CNTN5: variants seen among roughly 807,000 people sequenced by gnomAD.
CNTN5 encodes contactin-5.
A neutral mutation model predicts 129.1 loss-of-function variants in CNTN5; 77 were observed. The ratio of observed to expected loss-of-function variants is 0.60; its 90% confidence interval spans 0.50 to 0.72. CNTN5 has a LOEUF of 0.72. CNTN5 is among the 30% of genes least tolerant of loss of function. CNTN5 has a pLI of 0.00. For missense variants in CNTN5, 1,478 were observed against 1,328.8 expected (o/e 1.11, Z -1.75); for synonymous variants, 509 against 465.6 (o/e 1.09, Z -1.20).
At chr11:99,382,844 ACTTTTTTTTTTTTT>A (rs1360856696) in intron 2 of CNTN5, among the ~76,000 whole-genome samples, 6 of 69,402 alleles carry the variant, frequency 8.6e-5, no homozygotes, top group Admixed American at 4.5e-4. Context: ...TCTCTAAATA[ACTTTTTTTTTTTTT>A]TTTTTTTTTT....
chr11:99,241,268 A>G (rs1161552624), intron 1 of CNTN5, among the ~76,000 whole-genome samples: 1 of 151,188 alleles, frequency 6.6e-6, no homozygotes, highest in South Asian at 2.1e-4. Context: ...CAGAGTTGCT[A>G]ACAAATGACT....
At chr11:100,018,269 A>G (rs912890067) in intron 9 of CNTN5, among the ~76,000 whole-genome samples, 1 of 151,924 alleles carries the variant, frequency 6.6e-6, no homozygotes, top group Non-Finnish European at 1.5e-5. Flanking sequence ...GTACCTACCT[A>G]TTAACATTTC....
At chr11:99,478,422 A>C (rs554762488) in intron 2 of CNTN5, among the ~76,000 whole-genome samples, 1 of 152,182 alleles carries the variant, frequency 6.6e-6, no homozygotes, top group Non-Finnish European at 1.5e-5. Context: ...ATGGGTTAAA[A>C]TCTCTTTTAA....
intron 1 of CNTN5, among the ~76,000 whole-genome samples, chr11:99,085,037 C>A (rs1865947277): frequency 6.6e-6 from 1 of 151,130 alleles, no homozygotes; most frequent in South Asian, 2.1e-4. Context: ...GTTACATATT[C>A]ACTAGTAACC....
At chr11:99,961,187 A>G (rs910930425) in intron 8 of CNTN5, among the ~76,000 whole-genome samples, 2 of 122,812 alleles carry the variant, frequency 1.6e-5, no homozygotes, top group African/African-American at 6.5e-5. Flanking sequence ...CCTGGGCCAT[A>G]GAGTGAGACT....
chr11:99,134,452 A>G (rs1440056448), intron 1 of CNTN5, among the ~76,000 whole-genome samples: 3 of 152,226 alleles, frequency 2.0e-5, no homozygotes, highest in Non-Finnish European at 4.4e-5. Context: ...ATTTTGAGAT[A>G]TCATTTACAA....
chr11:99,058,548 A>G (rs1392918952), intron 1 of CNTN5, among the ~76,000 whole-genome samples: 1 of 152,042 alleles, frequency 6.6e-6, no homozygotes, highest in South Asian at 2.1e-4. Flanking sequence ...ATAGAAAGTT[A>G]CATGCCAGGA....
At chr11:99,713,183 C>A (rs2134972264) in intron 3 of CNTN5, among the ~76,000 whole-genome samples, 1 of 152,188 alleles carries the variant, frequency 6.6e-6, no homozygotes, top group East Asian at 1.9e-4. Flanking sequence ...TGTAGTTCTC[C>A]TTGAAGAGGT....
At chr11:99,343,060 C>A (rs1866594981) in intron 2 of CNTN5, among the ~76,000 whole-genome samples, 1 of 152,258 alleles carries the variant, frequency 6.6e-6, no homozygotes, top group South Asian at 2.1e-4. Flanking sequence ...AAGCTTGGAT[C>A]CAGAATAGAG....
At chr11:99,256,661 T>G (rs951434273) in intron 1 of CNTN5, among the ~76,000 whole-genome samples, 15 of 152,006 alleles carry the variant, frequency 9.9e-5, no homozygotes, top group African/African-American at 3.6e-4. Context: ...TGCCAAAGTT[T>G]TCCTGTAAGC....
chr11:99,644,761 G>A (rs1197540233), intron 3 of CNTN5, among the ~76,000 whole-genome samples: 1 of 152,064 alleles, frequency 6.6e-6, no homozygotes, highest in Admixed American at 6.6e-5. Flanking sequence ...TAGCCTAGTA[G>A]ATTTTTGTTC....
At chr11:100,253,260 A>G (rs569861493) in intron 16 of CNTN5, among the ~76,000 whole-genome samples, 3 of 152,336 alleles carry the variant, frequency 2.0e-5, no homozygotes, top group East Asian at 3.9e-4. Flanking sequence ...ATTAGGATTT[A>G]CAATCACATC....
At chr11:99,665,785 C>T (rs75396184) in intron 3 of CNTN5, among the ~76,000 whole-genome samples, 23,236 of 151,810 alleles carry the variant, frequency 0.15, 1,892 homozygotes, top group Non-Finnish European at 0.17. Context: ...CCGCGCCTGG[C>T]CTAGAGTACG....
chr11:99,100,138 C>T (rs1199462711), intron 1 of CNTN5, among the ~76,000 whole-genome samples: 2 of 152,026 alleles, frequency 1.3e-5, no homozygotes. Flanking sequence ...TTAGGACCTG[C>T]AAACAATATT....
chr11:100,197,692 T>C (rs1948680076), intron 15 of CNTN5, among the ~76,000 whole-genome samples: 1 of 152,008 alleles, frequency 6.6e-6, no homozygotes, highest in Non-Finnish European at 1.5e-5. Flanking sequence ...CCTCTAATTA[T>C]TCAAATAGGA....
At chr11:99,364,412 C>A (rs770052181) in intron 2 of CNTN5, among the ~76,000 whole-genome samples, 5 of 152,064 alleles carry the variant, frequency 3.3e-5, no homozygotes, top group Non-Finnish European at 7.4e-5. Flanking sequence ...GAAGTACACA[C>A]AGTGTTGTTT....
chr11:99,786,580 C>T (rs10893892), intron 3 of CNTN5, among the ~76,000 whole-genome samples: 41,189 of 152,042 alleles, frequency 0.27, 6,052 homozygotes, highest in East Asian at 0.49. Context: ...AAGCTGGAGG[C>T]ATTAAGCTAC....
intron 9 of CNTN5, among the ~76,000 whole-genome samples, chr11:100,059,567 G>A (rs1452539824): frequency 2.6e-5 from 4 of 152,040 alleles, no homozygotes; most frequent in Non-Finnish European, 5.9e-5. Context: ...AAATGCAAAT[G>A]CAAATGGCCA....
intron 3 of CNTN5, among the ~76,000 whole-genome samples, chr11:99,632,824 AGTTTCC>A (rs1951411559): frequency 6.6e-6 from 1 of 152,086 alleles, no homozygotes; most frequent in African/African-American, 2.4e-5. Context: ...TAAATTATTC[AGTTTCC>A]ATATATTCAG....
Sources: allele counts gnomAD v4.1 joint callset (sites outside exome capture counted in the v4.1 genomes callset), GRCh38; gene constraint gnomAD v4.1.1; transcripts MANE v1.5; gene names NCBI Gene and HGNC (gene_info 2026-07-23, HGNC 2026-07-21).